DSCAM: variants seen among roughly 807,000 people sequenced by gnomAD.
DSCAM encodes the protein DS cell adhesion molecule.
In DSCAM, 47 loss-of-function variants were observed where a neutral mutation model predicts 217.7. The ratio of observed to expected loss-of-function variants is 0.22; its 90% CI spans 0.17 to 0.28. The LOEUF is 0.28. Ranked by LOEUF, DSCAM falls within the 10% of genes least tolerant of loss-of-function variation. DSCAM has a pLI of 1.00. For missense variants in DSCAM, 2,080 were observed against 2,618.3 expected, an observed-to-expected ratio of 0.79 and a Z score of 4.49; for synonymous variants, 1,056 against 1,015.3, an observed-to-expected ratio of 1.04 and a Z score of -0.76.
intron 3 of DSCAM, among the ~76,000 whole-genome samples, chr21:40,604,028 GC>G (rs2077083328): frequency 7.2e-6 from 1 of 139,334 alleles, no homozygotes; most frequent in South Asian, 2.2e-4. Flanking sequence ...TATATCTTCT[GC>G]TCCCTTTTCT....
chr21:40,734,779 A>G (rs2837798), intron 1 of DSCAM, among the ~76,000 whole-genome samples: 16,161 of 152,198 alleles, frequency 0.11, 853 homozygotes, highest in Middle Eastern at 0.16. Flanking sequence ...ATGTTGTATG[A>G]AAATGTAGAC....
At chr21:40,666,160 C>T (rs1432115954) in intron 3 of DSCAM, among the ~76,000 whole-genome samples, 6 of 152,130 alleles carry the variant, frequency 3.9e-5, no homozygotes, top group Non-Finnish European at 8.8e-5. Flanking sequence ...AAGCTTCTGT[C>T]CTCTTCACTG....
At chr21:40,457,864 C>T (rs1457923009) in intron 3 of DSCAM, among the ~76,000 whole-genome samples, 1 of 152,108 alleles carries the variant, frequency 6.6e-6, no homozygotes, top group Non-Finnish European at 1.5e-5. Context: ...GAAAGGAAAG[C>T]CATGGCCATG....
intron 24 of DSCAM, among the ~76,000 whole-genome samples, chr21:40,081,469 C>T (rs1374537900): frequency 6.6e-6 from 1 of 152,110 alleles, no homozygotes; most frequent in Non-Finnish European, 1.5e-5. Context: ...TCAGCCTTCC[C>T]TCACCACTGG....
chr21:40,662,245 C>G (rs2090146551), intron 3 of DSCAM, among the ~76,000 whole-genome samples: 2 of 129,888 alleles, frequency 1.5e-5, no homozygotes, highest in Non-Finnish European at 3.7e-5. Context: ...ATTGAAAGGT[C>G]TAATCCTGGC....
At chr21:40,344,185 G>A (rs934326168) in intron 6 of DSCAM, among the ~76,000 whole-genome samples, 3 of 152,090 alleles carry the variant, frequency 2.0e-5, no homozygotes, top group African/African-American at 2.4e-5. Context: ...AGGCGTGAGC[G>A]ACAGCACATG....
chr21:40,683,242 G>C (rs543438896), intron 3 of DSCAM, among the ~76,000 whole-genome samples: 5 of 152,208 alleles, frequency 3.3e-5, no homozygotes, highest in Non-Finnish European at 7.3e-5. Context: ...ATCTAACAGG[G>C]AGGTCAGAGA....
intron 32 of DSCAM, among the ~76,000 whole-genome samples, chr21:40,029,480 C>T (rs1178056698): frequency 1.3e-5 from 2 of 150,722 alleles, no homozygotes; most frequent in Non-Finnish European, 3.0e-5. Flanking sequence ...CTTGTTAATT[C>T]ACTAAATTGC....
chr21:40,535,137 T>G (rs987187281), intron 3 of DSCAM, among the ~76,000 whole-genome samples: 1 of 152,218 alleles, frequency 6.6e-6, no homozygotes. Flanking sequence ...CTAAGTATCC[T>G]CATTCTTAAA....
At chr21:40,137,939 T>C (rs1256450461) in intron 18 of DSCAM, among the ~76,000 whole-genome samples, 1 of 152,120 alleles carries the variant, frequency 6.6e-6, no homozygotes. Flanking sequence ...AGATGGAAGT[T>C]AGCAAAAATT....
chr21:40,665,522 T>C (rs2090455359), intron 3 of DSCAM, among the ~76,000 whole-genome samples: 1 of 152,174 alleles, frequency 6.6e-6, no homozygotes, highest in Non-Finnish European at 1.5e-5. Flanking sequence ...AACTTGTCAC[T>C]TTCCAGGGCA....
intron 8 of DSCAM, among the ~76,000 whole-genome samples, chr21:40,316,442 T>C (rs2074197598): frequency 6.6e-6 from 1 of 152,230 alleles, no homozygotes. Flanking sequence ...ATATTTTATA[T>C]TCATAAGACA....
intron 3 of DSCAM, among the ~76,000 whole-genome samples, chr21:40,517,144 A>G (rs1027142665): frequency 2.7e-5 from 4 of 148,594 alleles, no homozygotes; most frequent in African/African-American, 9.9e-5. Context: ...TACCTTATAT[A>G]TTTACATATA....
chr21:40,204,800 C>T (rs1278398851), intron 11 of DSCAM, among the ~76,000 whole-genome samples: 2 of 152,162 alleles, frequency 1.3e-5, no homozygotes, highest in Non-Finnish European at 2.9e-5. Flanking sequence ...CGAGTAAATG[C>T]CAACACAAGC....
intron 11 of DSCAM, among the ~76,000 whole-genome samples, chr21:40,210,913 C>G (rs999213464): frequency 4.6e-5 from 7 of 152,108 alleles, no homozygotes; most frequent in Non-Finnish European, 1.0e-4. Flanking sequence ...GTGTATACTT[C>G]CGTTTAACTT....
intron 6 of DSCAM, among the ~76,000 whole-genome samples, chr21:40,343,807 TAA>T (rs919544539): frequency 7.3e-5 from 11 of 151,416 alleles, no homozygotes; most frequent in Non-Finnish European, 1.0e-4. Context: ...TACTCTATAA[TAA>T]AGTGTTATTT....
chr21:40,704,667 G>C (rs993181336), intron 2 of DSCAM, among the ~76,000 whole-genome samples: 1 of 152,090 alleles, frequency 6.6e-6, no homozygotes, highest in Admixed American at 6.6e-5. Flanking sequence ...AGTGAGCCAC[G>C]ATCCCATCAC....
rs748512525 is a variant in DSCAM, at chr21:40,080,155, T to C, written c.4417A>G (p.Lys1473Glu). The C allele has an allele frequency of 6.3e-7, 1 of 1,590,218 alleles. No individual in the cohort carries two copies. The highest frequency in any genetic ancestry group is 1.1e-5 in the South Asian group (1 of 89,724). ...SEIIEAKTLG[K>E]EPQFSKEQEL... ...AGCGATGAGAAGGCATACCTACCTT[T>C]TCCTAAGGTCTTTGCTTCTATGATT... Residue 1473 changes from lysine to glutamate, a missense_variant, in exon 25 of 33, where the codon AAA (lysine) becomes GAA (glutamate). By Grantham distance (56) the Lys-to-Glu change is moderately conservative. Around this residue, in one of 5 missense-constraint regions of DSCAM, gnomAD observed 1,144 missense variants for 1,421.1 expected, o/e 0.81. Transcript: ENST00000400454.
chr21:40,708,814 G>A (rs527710017), intron 1 of DSCAM, 43 bp from the exon 2 acceptor site: 4 of 1,340,784 alleles, frequency 3.0e-6, no homozygotes, highest in Non-Finnish European at 2.9e-6. Context: ...AGTAAAACAT[G>A]CCTTTGACAT....
Sources: gnomAD v4.1 joint callset for allele counts (sites outside exome capture counted in the v4.1 genomes callset) on GRCh38, gnomAD v4.1.1 for gene constraint, gnomAD v4.1.1 regional missense constraint, MANE v1.5 for transcripts, NCBI Gene and HGNC (gene_info 2026-07-23, HGNC 2026-07-21) for gene names.